The following REDIC1 variants were observed in gnomAD, a reference collection of about 807,000 sequenced individuals.
The protein encoded by REDIC1 is HEI10 Interacting Protein 1.
At chr12:39,805,055 G>GGAGGGAGAAGCCTGCTT in the REDIC1 span, among the ~76,000 whole-genome samples, 14 of 152,170 alleles carry the variant, frequency 9.2e-5, no homozygotes, top group Non-Finnish European at 2.1e-4. Context: ...GAAGCCTGCT[G>GGAGGGAGAAGCCTGCTT]GAGAGAGAAG....
chr12:39,899,901 C>A, the REDIC1 span, among the ~76,000 whole-genome samples: 1 of 151,994 alleles, frequency 6.6e-6, no homozygotes, highest in Non-Finnish European at 1.5e-5. Flanking sequence ...TTCCTTCCAA[C>A]TATGTGGTCA....
chr12:39,677,642 C>T, the REDIC1 span, among the ~76,000 whole-genome samples: 2 of 152,134 alleles, frequency 1.3e-5, no homozygotes, highest in Non-Finnish European at 2.9e-5. Context: ...AATATACATT[C>T]TTTTCATCAG....
chr12:39,893,957 T>G, the REDIC1 span, among the ~76,000 whole-genome samples: 2 of 152,210 alleles, frequency 1.3e-5, no homozygotes, highest in African/African-American at 4.8e-5. Flanking sequence ...TAGTAGGAAG[T>G]AACACAGATG....
chr12:39,706,435 A>C, the REDIC1 span, among the ~76,000 whole-genome samples: 1 of 152,038 alleles, frequency 6.6e-6, no homozygotes, highest in Admixed American at 6.6e-5. Context: ...TGACATTATT[A>C]ACAGAAATTG....
chr12:39,637,817 A>T, the REDIC1 span, among the ~76,000 whole-genome samples: 11 of 152,094 alleles, frequency 7.2e-5, no homozygotes, highest in Non-Finnish European at 1.6e-4. Context: ...CTACTTAGGG[A>T]ATATAGTCTC....
the REDIC1 span, among the ~76,000 whole-genome samples, chr12:39,657,307 G>C: frequency 6.6e-6 from 1 of 152,182 alleles, no homozygotes; most frequent in East Asian, 1.9e-4. Context: ...TGTAGCCTAG[G>C]AGCAATAGGC....
At chr12:39,630,061 C>T in the REDIC1 span, among the ~76,000 whole-genome samples, 1 of 152,140 alleles carries the variant, frequency 6.6e-6, no homozygotes, top group African/African-American at 2.4e-5. Context: ...GAAGGCACCA[C>T]GGAGACCCTG....
chr12:39,775,928 T>G, the REDIC1 span, among the ~76,000 whole-genome samples: 1 of 152,208 alleles, frequency 6.6e-6, no homozygotes, highest in Non-Finnish European at 1.5e-5. Flanking sequence ...CCAATGAGCG[T>G]TTCCTTTGAG....
At chr12:39,791,217 C>T in the REDIC1 span, among the ~76,000 whole-genome samples, 6 of 150,210 alleles carry the variant, frequency 4.0e-5, no homozygotes, top group East Asian at 5.9e-4. Flanking sequence ...ATTGATGGGA[C>T]ATATTTCAAA....
At chr12:39,712,310 A>ATATGTATATATAACTG in the REDIC1 span, among the ~76,000 whole-genome samples, 1 of 46,708 alleles carries the variant, frequency 2.1e-5, no homozygotes, top group South Asian at 5.3e-4. Context: ...ACATACATAT[A>ATATGTATATATAACTG]TATGTATATA....
At chr12:39,901,362 G>A in the REDIC1 span, among the ~76,000 whole-genome samples, 78 of 151,236 alleles carry the variant, frequency 5.2e-4, no homozygotes, top group African/African-American at 1.9e-3. Context: ...AAACTAAAGA[G>A]CTTCTGCACA....
the REDIC1 span, among the ~76,000 whole-genome samples, chr12:39,837,933 C>T: frequency 7.3e-5 from 11 of 150,818 alleles, no homozygotes; most frequent in Admixed American, 3.3e-4. Flanking sequence ...GTCAGTGTGG[C>T]GATTCCTCAG....
chr12:39,734,684 A>G, the REDIC1 span, among the ~76,000 whole-genome samples: 2 of 152,324 alleles, frequency 1.3e-5, no homozygotes, highest in Admixed American at 1.3e-4. Context: ...TCAAAAATCA[A>G]TTGACCATAC....
chr12:39,861,961 C>T, the REDIC1 span, among the ~76,000 whole-genome samples: 1 of 152,132 alleles, frequency 6.6e-6, no homozygotes, highest in Non-Finnish European at 1.5e-5. Flanking sequence ...TTTGCTGCAC[C>T]TATCAACCCA....
chr12:39,641,285 G>T, the REDIC1 span, among the ~76,000 whole-genome samples: 1 of 151,790 alleles, frequency 6.6e-6, no homozygotes, highest in Non-Finnish European at 1.5e-5. Context: ...CTAGATAAAT[G>T]ATGTACAGTA....
chr12:39,698,240 T>G, the REDIC1 span, among the ~76,000 whole-genome samples: 3 of 152,122 alleles, frequency 2.0e-5, no homozygotes, highest in African/African-American at 7.2e-5. Flanking sequence ...AAAGAGGTAG[T>G]TAGGCCATGA....
At chr12:39,745,403 A>G in the REDIC1 span, among the ~76,000 whole-genome samples, 1 of 150,498 alleles carries the variant, frequency 6.6e-6, no homozygotes, top group Non-Finnish European at 1.5e-5. Context: ...GTCTTAATTC[A>G]GATTTATAAA....
the REDIC1 span, among the ~76,000 whole-genome samples, chr12:39,647,585 G>C: frequency 6.6e-6 from 1 of 151,990 alleles, no homozygotes; most frequent in East Asian, 1.9e-4. Flanking sequence ...GGAAGGCAGA[G>C]GGAAGGGTGC....
the REDIC1 span, among the ~76,000 whole-genome samples, chr12:39,834,264 C>T: frequency 6.6e-6 from 1 of 152,042 alleles, no homozygotes; most frequent in Non-Finnish European, 1.5e-5. Flanking sequence ...TTCTCCCTTA[C>T]ATCTTCTCAG....
Sources: gnomAD v4.1 joint callset for allele counts (sites outside exome capture counted in the v4.1 genomes callset) on GRCh38, gnomAD v4.1.1 for gene constraint, MANE v1.5 for transcripts, NCBI Gene and HGNC (gene_info 2026-07-23, HGNC 2026-07-21) for gene names.